TCF20: variants seen among roughly 807,000 people sequenced by gnomAD.
The protein encoded by TCF20 is SPRE-binding protein.
Under a neutral mutation model 148.6 loss-of-function variants are expected in TCF20, and 3 were observed. The observed-to-expected ratio is 0.02, with a 90% CI of 0.01 to 0.05. The LOEUF (loss-of-function observed/expected upper bound fraction) is 0.05. TCF20 is among the 10% of genes least tolerant of loss of function. TCF20 has a pLI of 1.00. For synonymous variants in TCF20, 1,049 were observed against 909.5 expected (o/e 1.15, Z -2.76); for missense variants, 2,350 against 2,429.3 (o/e 0.97, Z 0.69).
chr22:42,239,341 T>C (rs926465182), intron 1 of TCF20, among the ~76,000 whole-genome samples: 2 of 151,774 alleles, frequency 1.3e-5, no homozygotes, highest in African/African-American at 4.8e-5. Flanking sequence ...CAGGGCGTGA[T>C]GGCGCATGCC....
chr22:42,184,407 T>TAA (rs749418913), intron 2 of TCF20, among the ~76,000 whole-genome samples: 6 of 152,196 alleles, frequency 3.9e-5, no homozygotes, highest in Non-Finnish European at 7.3e-5. Context: ...AGATAGAATA[T>TAA]AAATACTTAT....
chr22:42,287,490 T>A (rs1440557218), upstream of TCF20, among the ~76,000 whole-genome samples: 2 of 152,164 alleles, frequency 1.3e-5, no homozygotes, highest in African/African-American at 4.8e-5. Flanking sequence ...CTGCATCTCA[T>A]CATAGCACAG....
chr22:42,198,987 C>T (rs905023888), intron 2 of TCF20, among the ~76,000 whole-genome samples: 2 of 152,040 alleles, frequency 1.3e-5, no homozygotes, highest in African/African-American at 4.8e-5. Flanking sequence ...TTCCAATCTG[C>T]TGTTGATTGA....
chr22:42,168,804 A>G lies in TCF20; in HGVS notation c.5800-68T>C, dbSNP rs1935950403. 6 of 1,502,066 alleles carry G rather than the reference A, an allele frequency of 4.0e-6. 1 individual carries two copies. Among genetic ancestry groups the G allele is most frequent in the Middle Eastern group, 1.8e-4 (1 of 5,704 alleles). 93.0% of individuals were successfully genotyped at this position (1,502,066 alleles called of 1,614,324 possible). On this transcript the variant is annotated intron_variant, in intron 4 of 5. Transcript: ENST00000677622. ...GACAGTGCAGAAATCAGGGAGGGCA[A>G]AGGGAGGACAGGAGTGGCACATGGA...
chr22:42,318,423 G>A (rs1927673047), intron 1 of TCF20, among the ~76,000 whole-genome samples: 1 of 152,244 alleles, frequency 6.6e-6, no homozygotes, highest in African/African-American at 2.4e-5. Flanking sequence ...TGTGAGAGGA[G>A]AGGGGAGGAG....
intron 2 of TCF20, among the ~76,000 whole-genome samples, 169 bp downstream of exon 2, chr22:42,209,482 A>T (rs1920923547): frequency 6.6e-6 from 1 of 152,244 alleles, no homozygotes; most frequent in South Asian, 2.1e-4. Context: ...ACGATTTTAG[A>T]AGTCTATACA....
intron 1 of TCF20, among the ~76,000 whole-genome samples, chr22:42,256,468 CAA>C (rs1374767826): frequency 2.0e-5 from 3 of 151,038 alleles, no homozygotes; most frequent in African/African-American, 7.3e-5. Flanking sequence ...GCCAATGTAG[CAA>C]AGTTTTTTTT....
At chr22:42,253,902 C>A (rs928658973) in intron 1 of TCF20, among the ~76,000 whole-genome samples, 2 of 151,950 alleles carry the variant, frequency 1.3e-5, no homozygotes, top group African/African-American at 4.8e-5. Context: ...CATGGAGAAA[C>A]CCTGTCTCTA....
chr22:42,261,014 C>CA (rs1349817060), intron 1 of TCF20, among the ~76,000 whole-genome samples: 1 of 152,212 alleles, frequency 6.6e-6, no homozygotes, highest in African/African-American at 2.4e-5. Context: ...TTCTCTTGGT[C>CA]AATCCCTTTC....
In TCF20 at chr22:42,218,789, C is replaced by A. The variant is rs116773834; in HGVS notation, c.-36-3448G>T. On this transcript the variant is annotated intron_variant, in intron 1 of 5. Coordinates refer to ENST00000677622, the MANE Select transcript of TCF20 (RefSeq NM_001378418.1). Reference sequence around the variant, plus strand: ...CTGCCCTATCTCCAGACAGGGAAAACAGATACAGGAAGGACTCCTTCTTAG... The same window carrying A: ...CTGCCCTATCTCCAGACAGGGAAAAAAGATACAGGAAGGACTCCTTCTTAG... Among the ~76,000 whole-genome samples, 1,124 of 150,684 alleles carry A rather than the reference C, an allele frequency of 7.5e-3. 16 individuals are homozygous for A. The highest frequency in any genetic ancestry group is 0.026 in the African/African-American group (1,067 of 41,198).
intron 1 of TCF20, among the ~76,000 whole-genome samples, chr22:42,298,768 A>T (rs765153887): frequency 7.2e-5 from 11 of 152,336 alleles, no homozygotes; most frequent in Middle Eastern, 6.8e-3. Flanking sequence ...TAGATGACAA[A>T]TTTGACCAAA....
chr22:42,341,247 C>T (rs1466664844), intron 1 of TCF20, among the ~76,000 whole-genome samples: 1 of 152,190 alleles, frequency 6.6e-6, no homozygotes, highest in African/African-American at 2.4e-5. Context: ...CCCCGGGGGA[C>T]ACGCTAATGA....
intron 1 of TCF20, chr22:42,278,751 G>C (rs149410811): frequency 2.6e-5 from 4 of 152,408 alleles, no homozygotes; most frequent in African/African-American, 7.2e-5. Context: ...GCGTCCACTC[G>C]TAACATCCTC....
At chr22:42,283,942 G>C (rs1926971742) in exon 1 of TCF20, among the ~76,000 whole-genome samples, 1 of 152,260 alleles carries the variant, frequency 6.6e-6, no homozygotes, top group East Asian at 1.9e-4. Context: ...AGGGAAAAAA[G>C]GAGAAGGAAA....
At chr22:42,324,022 G>A (rs1927808629) in intron 1 of TCF20, among the ~76,000 whole-genome samples, 3 of 147,692 alleles carry the variant, frequency 2.0e-5, no homozygotes, top group Admixed American at 1.3e-4. Flanking sequence ...TATGGTGGTG[G>A]TGGTGGTGAT....
At chr22:42,161,445 C>T in intron 5 of TCF20, 87 bp from the exon 6 acceptor site, 1 of 1,588,816 alleles carries the variant, frequency 6.3e-7, no homozygotes. Flanking sequence ...CCCCTGGGAG[C>T]TTTCAGCAGG....
At chr22:42,227,351 C>G (rs899335613) in intron 1 of TCF20, among the ~76,000 whole-genome samples, 3 of 152,168 alleles carry the variant, frequency 2.0e-5, no homozygotes, top group African/African-American at 4.8e-5. Flanking sequence ...CTCACATACC[C>G]TCTTTCAACG....
chr22:42,249,522 G>T (rs763667773), intron 1 of TCF20, among the ~76,000 whole-genome samples: 1 of 152,150 alleles, frequency 6.6e-6, no homozygotes. Flanking sequence ...AAGTGTACAC[G>T]GCTACTTAAT....
chr22:42,283,669 G>A (rs1000691287), intron 1 of TCF20, among the ~76,000 whole-genome samples: 2 of 151,938 alleles, frequency 1.3e-5, no homozygotes, highest in African/African-American at 4.8e-5. Flanking sequence ...CGCCCGGGAG[G>A]CCCCTGCCCA....
Sources: allele counts gnomAD v4.1 joint callset (sites outside exome capture counted in the v4.1 genomes callset), GRCh38; gene constraint gnomAD v4.1.1; transcripts MANE v1.5; gene names NCBI Gene and HGNC (gene_info 2026-07-23, HGNC 2026-07-21).